NTM: variants seen among roughly 807,000 people sequenced by gnomAD.
NTM encodes IgLON family member 2.
A neutral mutation model predicts 42.1 loss-of-function variants in NTM; 13 were observed. That is an observed-to-expected ratio of 0.31 (90% CI 0.20 to 0.49). The LOEUF (loss-of-function observed/expected upper bound fraction) is 0.49, where lower values mean the gene tolerates loss of function less well. NTM is among the 20% of genes least tolerant of loss of function. NTM has a pLI of 0.99. For missense variants in NTM, 373 were observed against 452.8 expected (o/e 0.82, Z 1.60); for synonymous variants, 187 against 179.2 (o/e 1.04, Z -0.35).
In NTM at chr11:131,970,228, C is replaced by T. The variant is rs2063358204; in HGVS notation, c.167+58580C>T. Among the ~76,000 whole-genome samples the T allele has an allele frequency of 2.6e-5, 4 of 152,140 alleles. No homozygotes were observed. The South Asian group carries it at 8.3e-4, about 31-fold the overall frequency. ...GGTCAAGAATAATGGTGTTAAAAGC[C>T]AGTTATCATGGCTCCAATTTTTCTA... On this transcript the variant is annotated intron_variant, in intron 2 of 8. Coordinates refer to ENST00000683400, the MANE Select transcript of NTM (RefSeq NM_001352005.2).
chr11:131,695,578 G>A (rs867935), intron 1 of NTM, among the ~76,000 whole-genome samples: 17,054 of 152,124 alleles, frequency 0.11, 3,133 homozygotes, highest in African/African-American at 0.38. Context: ...AACCTTGTCA[G>A]TCTCCTTTGT....
intron 1 of NTM, among the ~76,000 whole-genome samples, chr11:131,530,346 G>A (rs2051073585): frequency 1.3e-5 from 2 of 149,696 alleles, no homozygotes; most frequent in Non-Finnish European, 2.9e-5. Flanking sequence ...AGAATGTTGA[G>A]CATATGAGAA....
intron 2 of NTM, among the ~76,000 whole-genome samples, chr11:132,000,725 C>T (rs2069051306): frequency 6.6e-6 from 1 of 152,156 alleles, no homozygotes; most frequent in Non-Finnish European, 1.5e-5. Flanking sequence ...TGCTGAGTAC[C>T]ATGCTGGTAC....
intron 2 of NTM, among the ~76,000 whole-genome samples, chr11:131,929,839 A>G (rs998298999): frequency 2.0e-5 from 3 of 152,218 alleles, no homozygotes; most frequent in African/African-American, 7.2e-5. Flanking sequence ...GTTTGTGATC[A>G]AAGGCTCAGC....
chr11:131,736,490 G>A (rs773216848), intron 1 of NTM, among the ~76,000 whole-genome samples: 3 of 152,162 alleles, frequency 2.0e-5, no homozygotes, highest in African/African-American at 4.8e-5. Context: ...TGTGGTGCCC[G>A]GTGGGAGGCG....
At chr11:131,929,272 C>CT (rs1165442249) in intron 2 of NTM, among the ~76,000 whole-genome samples, 3 of 152,124 alleles carry the variant, frequency 2.0e-5, no homozygotes, top group Non-Finnish European at 4.4e-5. Flanking sequence ...AGAGAGGTTT[C>CT]CGAGGCAGAT....
intron 2 of NTM, among the ~76,000 whole-genome samples, chr11:131,931,379 C>A (rs1263457348): frequency 2.6e-5 from 4 of 151,696 alleles, no homozygotes; most frequent in African/African-American, 9.7e-5. Flanking sequence ...GTCGAGGCTA[C>A]AGTGAACCGA....
At chr11:131,967,512 A>G (rs1411891857) in intron 2 of NTM, among the ~76,000 whole-genome samples, 6 of 152,178 alleles carry the variant, frequency 3.9e-5, no homozygotes, top group Non-Finnish European at 8.8e-5. Flanking sequence ...GCACCGAGCC[A>G]CATGAAGGTG....
At chr11:131,667,824 G>T (rs1186951069) in intron 1 of NTM, among the ~76,000 whole-genome samples, 3 of 152,114 alleles carry the variant, frequency 2.0e-5, no homozygotes, top group African/African-American at 7.2e-5. Context: ...AGCCTGGGTG[G>T]GCCTGGGCAT....
At chr11:131,629,218 T>C (rs1373963275) in intron 1 of NTM, among the ~76,000 whole-genome samples, 1 of 152,136 alleles carries the variant, frequency 6.6e-6, no homozygotes, top group Non-Finnish European at 1.5e-5. Context: ...AGTAAGGCCA[T>C]GTGGCTGCAA....
chr11:132,135,122 A>G (rs1017174540), intron 2 of NTM, among the ~76,000 whole-genome samples: 1 of 152,084 alleles, frequency 6.6e-6, no homozygotes, highest in Non-Finnish European at 1.5e-5. Flanking sequence ...CCCCTGTGTC[A>G]GTGTCCCAGG....
intron 3 of NTM, among the ~76,000 whole-genome samples, chr11:132,194,726 T>C (rs556916567): frequency 5.9e-5 from 9 of 151,760 alleles, no homozygotes; most frequent in South Asian, 2.1e-4. Flanking sequence ...CCCTGTAGGC[T>C]CTGCCAAAAG....
In NTM at chr11:131,612,120, C is replaced by T. The variant is rs112841171; in HGVS notation, c.82+241232C>T. Among the ~76,000 whole-genome samples the T allele has an allele frequency of 8.3e-4, 127 of 152,308 alleles. 2 individuals carry two copies. Among genetic ancestry groups the T allele is most frequent in the African/African-American group, 3.0e-3 (124 of 41,570 alleles). On this transcript the variant is annotated intron_variant, in intron 1 of 8. Transcript: ENST00000683400. ...CATCCTAAGGACATTTGAGCAGCTCCTTAGAGAAGCCCTCAGTCATCACCA... is the reference window on the plus strand; with the variant it reads ...CATCCTAAGGACATTTGAGCAGCTCTTTAGAGAAGCCCTCAGTCATCACCA...
At chr11:131,911,805 G>A (rs1277183837) in intron 2 of NTM, among the ~76,000 whole-genome samples, 157 bp downstream of exon 2, 2 of 152,230 alleles carry the variant, frequency 1.3e-5, no homozygotes, top group Admixed American at 6.5e-5. Context: ...GGCTCTGCCC[G>A]GGAATGTGGC....
intron 1 of NTM, among the ~76,000 whole-genome samples, chr11:131,478,939 G>A (rs919528534): frequency 4.6e-5 from 7 of 152,194 alleles, no homozygotes; most frequent in South Asian, 4.1e-4. Flanking sequence ...GGAATAAAAT[G>A]TGGGTTCCAC....
chr11:132,024,471 T>C (rs1213184180), intron 2 of NTM, among the ~76,000 whole-genome samples: 1 of 152,228 alleles, frequency 6.6e-6, no homozygotes, highest in Non-Finnish European at 1.5e-5. Context: ...TTACTTATAA[T>C]GGCTAATACA....
At chr11:131,751,878 CATATCTGTGACTT>C (rs1334052485) in intron 1 of NTM, among the ~76,000 whole-genome samples, 7 of 151,566 alleles carry the variant, frequency 4.6e-5, no homozygotes, top group African/African-American at 1.5e-4. Context: ...GGGCCAAGAT[CATATCTGTGACTT>C]ATATCTGTGA....
At chr11:131,514,755 A>T (rs1431363802) in intron 1 of NTM, among the ~76,000 whole-genome samples, 1 of 151,720 alleles carries the variant, frequency 6.6e-6, no homozygotes, top group Non-Finnish European at 1.5e-5. Flanking sequence ...CGCCTGACTA[A>T]GTTTTGTATT....
intron 1 of NTM, among the ~76,000 whole-genome samples, chr11:131,552,022 A>G (rs748941217): frequency 2.6e-5 from 4 of 152,176 alleles, no homozygotes; most frequent in African/African-American, 7.2e-5. Flanking sequence ...CTACATGTGC[A>G]TTTTATAAAA....
Sources: gnomAD v4.1 joint callset for allele counts (sites outside exome capture counted in the v4.1 genomes callset) on GRCh38, gnomAD v4.1.1 for gene constraint, MANE v1.5 for transcripts, NCBI Gene and HGNC (gene_info 2026-07-23, HGNC 2026-07-21) for gene names.